The following PLCH2 variants were observed in gnomAD, a reference collection of about 807,000 sequenced individuals.
PLCH2 encodes the protein 1-phosphatidylinositol 4,5-bisphosphate phosphodiesterase eta-2.
Under a neutral mutation model 134.7 loss-of-function variants are expected in PLCH2, and 98 were observed. That is an observed-to-expected ratio of 0.73 (90% CI 0.62 to 0.86). The LOEUF (loss-of-function observed/expected upper bound fraction) is 0.86, where lower values mean the gene tolerates loss of function less well. Ranked by LOEUF, PLCH2 falls within the 40% of genes least tolerant of loss-of-function variation. PLCH2 has a pLI of 0.00. For missense variants in PLCH2, 1,994 were observed against 1,986.6 expected (o/e 1.00, Z -0.07); for synonymous variants, 974 against 827.5 (o/e 1.18, Z -3.04).
chr1:2,480,319 T>TG lies in PLCH2; in HGVS notation c.645+13dup. 1 of 1,610,512 alleles carries TG rather than the reference T, an allele frequency of 6.2e-7. No individual in the cohort carries two copies. On this transcript the variant is annotated splice_region_variant and intron_variant, in intron 4 of 21. Coordinates refer to ENST00000378486, the MANE Select transcript of PLCH2 (RefSeq NM_014638.4). The stretch of plus-strand genomic sequence containing the variant: ...GGTGAAGCAGATGTTCAGGGTGAGC[T>TG]GGGGGGAGCCCTACCTGGGCTCCAG...
rs1444782005 is a variant in PLCH2, at chr1:2,487,472, G to A, written c.1114+96G>A. On this transcript the variant is annotated intron_variant, in intron 7 of 21. Transcript: ENST00000378486. ...CCCCCGGGGGGATCTCTGGGCAGGGGCTGGGAAGGCCTCTTCTGTGTCCCT... is the reference window on the plus strand; with the variant it reads ...CCCCCGGGGGGATCTCTGGGCAGGGACTGGGAAGGCCTCTTCTGTGTCCCT... 12 of 1,471,138 alleles carry A rather than the reference G, an allele frequency of 8.2e-6. No homozygotes were observed. In the South Asian group the frequency reaches 8.7e-5, roughly 11 times the overall value. The allele number at this position is 1,471,138 out of a possible 1,614,324, so 91.1% of individuals were successfully genotyped here. A position where few individuals can be genotyped will look rare whatever the true frequency, so the allele number is the denominator to read the frequency against.
intron 15 of PLCH2, 139 bp from the exon 16 acceptor site, chr1:2,497,363 A>G: frequency 1.5e-6 from 1 of 659,818 alleles, no homozygotes; most frequent in Non-Finnish European, 2.7e-6. Flanking sequence ...TTGGAGTCCC[A>G]TTCACATTGG....
In PLCH2 at chr1:2,497,557, C is replaced by T. The variant is rs956202975; in HGVS notation, c.2172C>T (p.Phe724=). The change falls in exon 16 of 22, where the codon TTC becomes TTT. Residue 724 remains phenylalanine (F), a synonymous_variant. Transcript: ENST00000378486. ...TGCTGCAGCTGAACCGAGCCAAGTT[C>T]AGCGCCAACGGTGGCTGCGGCTACG... ...GRMLQLNRAK[F]SANGGCGYVL... is the part of the protein sequence containing the mutation. 6.4e-7 allele frequency: 1 copy of T among 1,564,510 alleles called. No homozygotes were observed. The highest frequency in any genetic ancestry group is 8.7e-7 in the Non-Finnish European group (1 of 1,155,062).
intron 2 of PLCH2, among the ~76,000 whole-genome samples, chr1:2,440,995 A>G (rs180693843): frequency 0.014 from 2,144 of 152,298 alleles, 80 homozygotes; most frequent in Admixed American, 0.077. Flanking sequence ...GCCCCCAGGA[A>G]ACCGCCCCGA....
At chr1:2,427,150 G>A (rs532527647) in intron 1 of PLCH2, among the ~76,000 whole-genome samples, 4 of 152,348 alleles carry the variant, frequency 2.6e-5, no homozygotes, top group African/African-American at 9.6e-5. Context: ...GAAGTAGCAG[G>A]AGGTGGCCTC....
the PLCH2 span, among the ~76,000 whole-genome samples, chr1:2,417,794 G>C: frequency 6.6e-6 from 1 of 152,204 alleles, no homozygotes; most frequent in Admixed American, 6.5e-5. Flanking sequence ...GGGAGGAGGG[G>C]ACGGGCAGGG....
chr1:2,504,197 A>T lies in PLCH2; in HGVS notation c.3235A>T (p.Arg1079Trp). 1 of 1,549,296 alleles carries T rather than the reference A, an allele frequency of 6.5e-7. No homozygotes were observed. Among genetic ancestry groups the T allele is most frequent in the Non-Finnish European group, 8.7e-7 (1 of 1,148,256 alleles). The change falls in exon 22 of 22, where the codon AGG (arginine) becomes TGG (tryptophan). Residue 1079 changes from arginine (R) to tryptophan (W), a missense_variant. Transcript: ENST00000378486. ...GGCCCCCGGCAGCCAGACGGACGGCAGGAGCCAGCCCCGGACCCTGGGCCA... is the reference window on the plus strand; with the variant it reads ...GGCCCCCGGCAGCCAGACGGACGGCTGGAGCCAGCCCCGGACCCTGGGCCA... The part of the protein sequence containing the change: ...ERAPGSQTDG[R>W]SQPRTLGHLP...
intron 4 of PLCH2, among the ~76,000 whole-genome samples, chr1:2,482,412 G>A (rs531425036): frequency 1.1e-4 from 16 of 152,218 alleles, no homozygotes; most frequent in Non-Finnish European, 1.3e-4. Context: ...TGTCCTGGGT[G>A]CAGTGAGTGG....
At chr1:2,432,727 C>T (rs1051498466) in intron 2 of PLCH2, among the ~76,000 whole-genome samples, 3 of 152,154 alleles carry the variant, frequency 2.0e-5, no homozygotes, top group South Asian at 2.1e-4. Context: ...TGCCTGGGGC[C>T]GGATGCCAGA....
intron 2 of PLCH2, among the ~76,000 whole-genome samples, chr1:2,457,900 T>C (rs1168968865): frequency 4.7e-5 from 7 of 148,862 alleles, no homozygotes; most frequent in Non-Finnish European, 8.9e-5. Context: ...AAAAAAAGCA[T>C]TTGCCAGCAT....
chr1:2,457,945 G>C (rs1162258916), intron 2 of PLCH2, among the ~76,000 whole-genome samples: 3 of 151,904 alleles, frequency 2.0e-5, no homozygotes, highest in Non-Finnish European at 4.4e-5. Flanking sequence ...GCTGTCCACC[G>C]GGCGGGTGGT....
chr1:2,482,087 C>T (rs1456771904), intron 4 of PLCH2, among the ~76,000 whole-genome samples: 2 of 152,258 alleles, frequency 1.3e-5, no homozygotes, highest in East Asian at 3.8e-4. Flanking sequence ...GCAGGCTCAG[C>T]CAAAGTGCAC....
At chr1:2,472,672 G>C (rs79284614), upstream of PLCH2, among the ~76,000 whole-genome samples, 4,338 of 152,280 alleles carry the variant, frequency 0.028, 197 homozygotes, top group African/African-American at 0.099. Flanking sequence ...GCTTCAGAGG[G>C]AGACACGGGT....
chr1:2,490,606 A>G (rs777801722), intron 10 of PLCH2, among the ~76,000 whole-genome samples: 9 of 151,994 alleles, frequency 5.9e-5, no homozygotes, highest in Non-Finnish European at 1.2e-4. Context: ...CACGCGGCCA[A>G]CCATTTTAGA....
chr1:2,484,419 C>A, intron 4 of PLCH2, 29 bp from the exon 5 acceptor site: 1 of 1,611,016 alleles, frequency 6.2e-7, no homozygotes, highest in Admixed American at 1.7e-5. Flanking sequence ...GTCGAGGTGC[C>A]AATGGGGACC....
intron 2 of PLCH2, among the ~76,000 whole-genome samples, chr1:2,445,309 C>T (rs187916680): frequency 6.6e-6 from 1 of 152,246 alleles, no homozygotes; most frequent in Non-Finnish European, 1.5e-5. Context: ...GAGCCTGCAG[C>T]CTCGTCTGGA....
intron 11 of PLCH2, among the ~76,000 whole-genome samples, chr1:2,491,563 T>TG (rs1189685341): frequency 6.6e-6 from 1 of 152,212 alleles, no homozygotes; most frequent in Non-Finnish European, 1.5e-5. Flanking sequence ...GCTGCCCAGC[T>TG]GGGGGGACAT....
intron 11 of PLCH2, 52 bp from the exon 12 acceptor site, chr1:2,494,796 GGCCTCCCT>G: frequency 8.6e-7 from 1 of 1,160,556 alleles, no homozygotes; most frequent in Non-Finnish European, 1.2e-6. Context: ...GGGCTGTCCC[GGCCTCCCT>G]GCCTGGTTCA....
chr1:2,468,294 C>CCCGCT (rs1486656816), intron 1 of PLCH2, among the ~76,000 whole-genome samples: 1 of 152,276 alleles, frequency 6.6e-6, no homozygotes, highest in African/African-American at 2.4e-5. Context: ...TCTGGCCCAT[C>CCCGCT]CCGCTCCGCT....
Sources: gnomAD v4.1 joint callset for allele counts (sites outside exome capture counted in the v4.1 genomes callset) on GRCh38, gnomAD v4.1.1 for gene constraint, MANE v1.5 for transcripts, NCBI Gene and HGNC (gene_info 2026-07-23, HGNC 2026-07-21) for gene names.